The following CDYL2 variants were observed in gnomAD, a reference collection of about 807,000 sequenced individuals.
CDYL2 encodes the protein chromodomain Y-like protein 2.
CDYL2 carries 23 observed loss-of-function variants against 49.4 expected under a neutral mutation model. That is an observed-to-expected ratio of 0.47 (90% confidence interval 0.34 to 0.66). The LOEUF (loss-of-function observed/expected upper bound fraction) is 0.66. Ranked by LOEUF, CDYL2 falls within the 30% of genes least tolerant of loss-of-function variation. The pLI is 0.01. For missense variants in CDYL2, 678 were observed against 656.4 expected, an observed-to-expected ratio of 1.03 and a Z score of -0.36; for synonymous variants, 360 against 268.8, an observed-to-expected ratio of 1.34 and a Z score of -3.32.
intron 3 of CDYL2, among the ~76,000 whole-genome samples, chr16:80,630,325 T>C (rs1907503707): frequency 6.6e-6 from 1 of 152,190 alleles, no homozygotes; most frequent in African/African-American, 2.4e-5. Flanking sequence ...GAGCACAACA[T>C]GTTTTCCATG....
intron 1 of CDYL2, among the ~76,000 whole-genome samples, chr16:80,733,389 T>C (rs1258704578): frequency 1.3e-5 from 2 of 152,204 alleles, no homozygotes; most frequent in African/African-American, 4.8e-5. Context: ...CATCTTGCCA[T>C]TTGGGCTTGC....
At chr16:80,696,276 ACAT>A (rs1401106156) in intron 1 of CDYL2, among the ~76,000 whole-genome samples, 2 of 152,200 alleles carry the variant, frequency 1.3e-5, no homozygotes. Context: ...ATAGCAATGA[ACAT>A]CTACATCAAA....
chr16:80,728,493 G>A (rs1208609678), intron 1 of CDYL2, among the ~76,000 whole-genome samples: 9 of 152,144 alleles, frequency 5.9e-5, no homozygotes, highest in African/African-American at 2.2e-4. Flanking sequence ...AAAGTGATGG[G>A]GAGAATGGAA....
intron 1 of CDYL2, among the ~76,000 whole-genome samples, chr16:80,771,462 G>A (rs894139069): frequency 2.0e-5 from 3 of 152,326 alleles, no homozygotes; most frequent in Admixed American, 6.5e-5. Context: ...CCAGCACTTC[G>A]GGAGGCCGAG....
At chr16:80,719,023 C>T (rs980401562) in intron 1 of CDYL2, among the ~76,000 whole-genome samples, 4 of 152,184 alleles carry the variant, frequency 2.6e-5, no homozygotes, top group Admixed American at 6.5e-5. Context: ...CGACTTAACG[C>T]TCCCAGAGAA....
rs182389537 is a variant in CDYL2, at chr16:80,612,400, T to A, written c.1218+226A>T. 1.7e-3 allele frequency among the ~76,000 whole-genome samples: 265 copies of A among 152,260 alleles called. No homozygotes were observed. Among genetic ancestry groups the A allele is most frequent in the African/African-American group, 5.3e-3 (222 of 41,554 alleles). ...GCCTTCAGGGGGTTGGAGTGAGGAA[T>A]AATTGAGACGCCATGCAGAGTGCAT... On this transcript the variant is annotated intron_variant, in intron 5 of 6. Coordinates refer to ENST00000570137, the MANE Select transcript of CDYL2 (RefSeq NM_152342.4). This position sits in a 1 kb window ranked among gnomAD's most constrained non-coding sequence, Gnocchi z 5.0.
At chr16:80,632,693 C>A in intron 3 of CDYL2, 1 of 306,480 alleles carries the variant, frequency 3.3e-6, no homozygotes, top group Non-Finnish European at 6.2e-6. Context: ...CTGATGACAA[C>A]AAAGTTTAGC....
At chr16:80,649,726 C>G in intron 2 of CDYL2, among the ~76,000 whole-genome samples, 1 of 152,206 alleles carries the variant, frequency 6.6e-6, no homozygotes, top group Middle Eastern at 3.4e-3. Context: ...CACTAAAGAG[C>G]TACAGTAACC....
chr16:80,736,979 A>G (rs1905555279), intron 1 of CDYL2, among the ~76,000 whole-genome samples: 1 of 152,160 alleles, frequency 6.6e-6, no homozygotes, highest in Admixed American at 6.5e-5. Flanking sequence ...TCGTATTCAG[A>G]TTTGGGATGG....
At position 80,741,250 on chromosome 16, in the gene CDYL2, T is replaced by C. The variant is rs113513158; in HGVS notation, c.25-56121A>G. 1.1e-4 allele frequency among the ~76,000 whole-genome samples: 16 copies of C among 151,300 alleles called. 1 individual carries two copies. Among genetic ancestry groups the C allele is most frequent in the African/African-American group, 3.4e-4 (14 of 41,414 alleles). ...ATTTTAGATTCTAGATTCAATAAAG[T>C]GGGATTGGGACAACTGGTTAAGTAA... On this transcript the variant is annotated intron_variant, in intron 1 of 6. Transcript: ENST00000570137.
intron 1 of CDYL2, among the ~76,000 whole-genome samples, chr16:80,704,328 C>G (rs755216401): frequency 6.6e-6 from 1 of 152,240 alleles, no homozygotes; most frequent in Non-Finnish European, 1.5e-5. Context: ...GCTATTCTCT[C>G]AGAACCAATA....
At chr16:80,726,990 G>A (rs1905183332) in intron 1 of CDYL2, among the ~76,000 whole-genome samples, 2 of 152,222 alleles carry the variant, frequency 1.3e-5, no homozygotes, top group Admixed American at 1.3e-4. Context: ...AGAGACTGAT[G>A]TGGGAGGATT....
intron 1 of CDYL2, among the ~76,000 whole-genome samples, chr16:80,713,443 AG>A (rs1904688273): frequency 6.6e-6 from 1 of 152,126 alleles, no homozygotes; most frequent in African/African-American, 2.4e-5. Context: ...CCACAGCCAT[AG>A]GTTACTGTTC....
intron 1 of CDYL2, among the ~76,000 whole-genome samples, chr16:80,704,850 T>C (rs1434698554): frequency 3.3e-5 from 5 of 152,208 alleles, no homozygotes; most frequent in African/African-American, 9.6e-5. Flanking sequence ...AAACAGACTC[T>C]GCTGGGTCTC....
Position 80,660,673 on chromosome 16 carries a change from A to G in CDYL2, c.616+23865T>C, listed in dbSNP as rs981364031. 1.2e-4 allele frequency among the ~76,000 whole-genome samples: 19 copies of G among 152,380 alleles called. No individual in the cohort carries two copies. In the South Asian group the frequency reaches 2.7e-3, roughly 22 times the overall value. ...GAACATATTAAACTCATATTAAAAG[A>G]CAGAGATAATCACACTGGATAAAAT... On this transcript the variant is annotated intron_variant, in intron 2 of 6. Coordinates refer to ENST00000570137, the MANE Select transcript of CDYL2 (RefSeq NM_152342.4).
At position 80,637,461 on chromosome 16, in the gene CDYL2, G is replaced by A. The variant is rs957451056; in HGVS notation, c.617-4225C>T. ...AAGTTTGGGAAGAAATAAATAAAAC[G>A]ATTTTTGTCCACAGATGACAAGACT... On this transcript the variant is annotated intron_variant, in intron 2 of 6. Coordinates refer to ENST00000570137, the MANE Select transcript of CDYL2 (RefSeq NM_152342.4). Among the ~76,000 whole-genome samples the A allele has an allele frequency of 3.3e-5, 5 of 152,082 alleles. 1 individual carries two copies. The South Asian group carries it at 6.2e-4, about 19-fold the overall frequency.
chr16:80,691,438 A>G (rs1225103888), intron 1 of CDYL2, among the ~76,000 whole-genome samples: 1 of 152,192 alleles, frequency 6.6e-6, no homozygotes, highest in East Asian at 1.9e-4. Flanking sequence ...TGGCTGTCAG[A>G]CCAAGAAGTT....
At chr16:80,623,165 G>C (rs1907157399) in intron 3 of CDYL2, among the ~76,000 whole-genome samples, 1 of 151,696 alleles carries the variant, frequency 6.6e-6, no homozygotes, top group Admixed American at 6.6e-5. Flanking sequence ...TCAGGAGGTG[G>C]CCAGAAATGC....
intron 2 of CDYL2, among the ~76,000 whole-genome samples, chr16:80,676,317 G>C (rs1185321993): frequency 6.6e-6 from 1 of 152,226 alleles, no homozygotes; most frequent in Non-Finnish European, 1.5e-5. Context: ...GAAAAGGTTA[G>C]TGAAAGTGTG....
Sources: allele counts gnomAD v4.1 joint callset (sites outside exome capture counted in the v4.1 genomes callset), GRCh38; gene constraint gnomAD v4.1.1; non-coding constraint Gnocchi (gnomAD v3.1); transcripts MANE v1.5; gene names NCBI Gene and HGNC (gene_info 2026-07-23, HGNC 2026-07-21).